PGM5: variants seen among roughly 807,000 people sequenced by gnomAD.
PGM5 encodes the protein phosphoglucomutase 5.
In PGM5, 23 loss-of-function variants were observed where a neutral mutation model predicts 59.2. The observed-to-expected ratio is 0.39, with a 90% CI of 0.28 to 0.55. The LOEUF is 0.55. Among genes scored for constraint, PGM5 ranks in the 20% least tolerant of loss-of-function variants. PGM5 has a pLI of 0.66. For synonymous variants in PGM5, 214 were observed against 286.0 expected, an observed-to-expected ratio of 0.75 and a Z score of 2.54; for missense variants, 574 against 748.3, an observed-to-expected ratio of 0.77 and a Z score of 2.72.
intron 6 of PGM5, among the ~76,000 whole-genome samples, chr9:68,458,267 A>G (rs1442559789): frequency 1.3e-5 from 2 of 152,106 alleles, no homozygotes; most frequent in African/African-American, 4.8e-5. Context: ...CTGCCTGCCT[A>G]TGTTGCCTAA....
chr9:68,445,306 AAAC>A lies in PGM5; in HGVS notation c.1044-19783_1044-19781del, dbSNP rs1823594058. Among the ~76,000 whole-genome samples the A allele has an allele frequency of 3.9e-5, 6 of 152,180 alleles. No homozygotes were observed. The South Asian group carries it at 1.2e-3, about 31-fold the overall frequency. On this transcript the variant is annotated intron_variant, in intron 6 of 10. Transcript: ENST00000396396. The stretch of plus-strand genomic sequence containing the variant: ...ACAGAACCCAAGAGTCTGCATTTTT[AAAC>A]AACGTTGTCAGGTAATTCCAATGCA...
At chr9:68,409,279 A>G (rs1822879249) in intron 6 of PGM5, among the ~76,000 whole-genome samples, 1 of 138,916 alleles carries the variant, frequency 7.2e-6, no homozygotes, top group African/African-American at 2.7e-5. Flanking sequence ...TGTTGGTGGG[A>G]CTGTAAACTA....
intron 1 of PGM5, among the ~76,000 whole-genome samples, chr9:68,377,892 T>C (rs1482804326): frequency 6.6e-6 from 1 of 152,146 alleles, no homozygotes; most frequent in Non-Finnish European, 1.5e-5. Flanking sequence ...AAGAACTTCT[T>C]GTGTGATTCA....
chr9:68,517,499 A>T (rs1207462596), intron 10 of PGM5, among the ~76,000 whole-genome samples: 1 of 152,240 alleles, frequency 6.6e-6, no homozygotes, highest in African/African-American at 2.4e-5. Context: ...GTTCAGTGGT[A>T]GCAAATTCAG....
chr9:68,460,819 C>A (rs1007038040), intron 6 of PGM5, among the ~76,000 whole-genome samples: 1 of 152,126 alleles, frequency 6.6e-6, no homozygotes, highest in African/African-American at 2.4e-5. Context: ...TGAAGACATA[C>A]AAGATGCAAT....
intron 10 of PGM5, among the ~76,000 whole-genome samples, chr9:68,527,164 C>G (rs1036053724): frequency 6.6e-6 from 1 of 152,118 alleles, no homozygotes; most frequent in Non-Finnish European, 1.5e-5. Context: ...AACTTGCTTC[C>G]CCGCCCTTTT....
rs190446093 is a variant in PGM5, at chr9:68,430,891, T to C, written c.1044-34202T>C. Among the ~76,000 whole-genome samples, 146 of 152,348 alleles carry C rather than the reference T, an allele frequency of 9.6e-4. 1 individual carries two copies. The highest frequency in any genetic ancestry group is 1.2e-4 in the Non-Finnish European group (8 of 68,038). On this transcript the variant is annotated intron_variant, in intron 6 of 10. Transcript: ENST00000396396. ...CTGTCTTTTGTAATTAGAGTATTCA[T>C]CATAACATGCATCAACTATTTATAT...
chr9:68,519,117 G>A (rs1824862002), intron 10 of PGM5, among the ~76,000 whole-genome samples: 4 of 152,028 alleles, frequency 2.6e-5, no homozygotes, highest in African/African-American at 4.8e-5. Context: ...TAAAATGAAA[G>A]CGAAATAAAC....
chr9:68,374,812 G>C (rs1821837392), intron 1 of PGM5, among the ~76,000 whole-genome samples: 1 of 152,218 alleles, frequency 6.6e-6, no homozygotes, highest in Non-Finnish European at 1.5e-5. Context: ...GAATATAGCA[G>C]TGAAAAAGAA....
intron 7 of PGM5, 47 bp downstream of exon 7, chr9:68,465,255 T>A: frequency 3.1e-4 from 349 of 1,132,204 alleles, no homozygotes; most frequent in Non-Finnish European, 4.3e-4. Context: ...GCTGCAGCCT[T>A]TTGTGATCTC....
intron 6 of PGM5, among the ~76,000 whole-genome samples, chr9:68,446,277 C>T (rs1169511054): frequency 3.9e-5 from 6 of 152,214 alleles, no homozygotes; most frequent in African/African-American, 1.4e-4. Flanking sequence ...TCAAGGAGGA[C>T]ATTACCACAA....
intron 6 of PGM5, among the ~76,000 whole-genome samples, chr9:68,428,049 A>G (rs1554682798): frequency 6.6e-6 from 1 of 152,196 alleles, no homozygotes; most frequent in African/African-American, 2.4e-5. Flanking sequence ...AGCTCTCCAA[A>G]TTTGGCTAAA....
chr9:68,510,613 C>G (rs1350585324), intron 10 of PGM5, among the ~76,000 whole-genome samples: 1 of 152,034 alleles, frequency 6.6e-6, no homozygotes, highest in Non-Finnish European at 1.5e-5. Flanking sequence ...TTGTACAATG[C>G]CTGTGTAAAT....
In PGM5 at chr9:68,376,872, CTCTT is replaced by C. The variant is rs1213830052; in HGVS notation, c.262-1317_262-1314del. ...CTTTCTCTTTCTTTCTTTTTTCTTT[CTCTT>C]TCTTTCTTTTTTTCTTTCTTTCTCT... On this transcript the variant is annotated intron_variant, in intron 1 of 10. Transcript: ENST00000396396. Among the ~76,000 whole-genome samples, 411 of 113,550 alleles carry C rather than the reference CTCTT, an allele frequency of 3.6e-3. 28 individuals are homozygous for C. The highest frequency in any genetic ancestry group is 0.017 in the East Asian group (68 of 4,098). 74.5% of individuals were successfully genotyped at this position (113,550 alleles called of 152,430 possible).
At chr9:68,360,251 A>G (rs1474316046) in intron 1 of PGM5, among the ~76,000 whole-genome samples, 2 of 150,388 alleles carry the variant, frequency 1.3e-5, no homozygotes, top group Non-Finnish European at 2.9e-5. Flanking sequence ...ATATCTCATA[A>G]AGTTTGAAAT....
intron 6 of PGM5, among the ~76,000 whole-genome samples, chr9:68,455,934 T>A (rs1278116723): frequency 6.6e-6 from 1 of 152,260 alleles, no homozygotes; most frequent in Non-Finnish European, 1.5e-5. Flanking sequence ...TTTTGCATTC[T>A]ATAATTTGGT....
chr9:68,433,400 T>C (rs1445942966), intron 6 of PGM5, among the ~76,000 whole-genome samples: 23 of 152,236 alleles, frequency 1.5e-4, no homozygotes, highest in African/African-American at 4.8e-4. Flanking sequence ...AATATGAAAA[T>C]CTGCTCTTTA....
chr9:68,368,432 C>T (rs1488756670), intron 1 of PGM5, among the ~76,000 whole-genome samples: 1 of 151,310 alleles, frequency 6.6e-6, no homozygotes, highest in African/African-American at 2.4e-5. Context: ...TCGGCAGTGC[C>T]AGTCGGAGAC....
At chr9:68,383,839 C>T (rs1822145039) in intron 2 of PGM5, among the ~76,000 whole-genome samples, 1 of 150,846 alleles carries the variant, frequency 6.6e-6, no homozygotes, top group African/African-American at 2.4e-5. Context: ...TCAATTTGGT[C>T]TTCCGAGGAA....
Sources: allele counts gnomAD v4.1 joint callset (sites outside exome capture counted in the v4.1 genomes callset), GRCh38; gene constraint gnomAD v4.1.1; transcripts MANE v1.5; gene names NCBI Gene and HGNC (gene_info 2026-07-23, HGNC 2026-07-21).